UBE3D: variants seen among roughly 807,000 people sequenced by gnomAD.
UBE3D encodes ubiquitin protein ligase E3D.
Under a neutral mutation model 49.6 loss-of-function variants are expected in UBE3D, and 48 were observed. That is an observed-to-expected ratio of 0.97 (90% CI 0.77 to 1.23). The LOEUF is 1.23. Among genes scored for constraint, UBE3D ranks in the 50% most tolerant of loss-of-function variants. The pLI, the probability that UBE3D is intolerant of heterozygous loss-of-function variation, is 0.00. For missense variants in UBE3D, 452 were observed against 468.4 expected, an observed-to-expected ratio of 0.96 and a Z score of 0.32; for synonymous variants, 189 against 174.2, an observed-to-expected ratio of 1.08 and a Z score of -0.67.
chr6:83,048,046 C>T (rs1346245105), intron 3 of UBE3D, among the ~76,000 whole-genome samples: 2 of 125,222 alleles, frequency 1.6e-5, no homozygotes, highest in Non-Finnish European at 3.1e-5. Context: ...CGCGCCACTG[C>T]ACTCCAGCCT....
intron 4 of UBE3D, among the ~76,000 whole-genome samples, chr6:83,041,664 T>C (rs1782679519): frequency 3.9e-5 from 6 of 152,180 alleles, no homozygotes; most frequent in Admixed American, 3.9e-4. Flanking sequence ...CTTACAGAGT[T>C]TGACAACACA....
chr6:82,947,588 A>T (rs1490720395), intron 9 of UBE3D, among the ~76,000 whole-genome samples: 3 of 151,982 alleles, frequency 2.0e-5, no homozygotes, highest in Non-Finnish European at 4.4e-5. Flanking sequence ...CACACAGATC[A>T]TTCTCAATGA....
chr6:82,903,513 G>T (rs1771884191), intron 9 of UBE3D, among the ~76,000 whole-genome samples: 1 of 152,106 alleles, frequency 6.6e-6, no homozygotes, highest in African/African-American at 2.4e-5. Context: ...CGTCACAGTA[G>T]CATAGTTGAA....
At chr6:82,890,737 C>T (rs1770964400), downstream of UBE3D, among the ~76,000 whole-genome samples, 2 of 152,148 alleles carry the variant, frequency 1.3e-5, no homozygotes, top group Non-Finnish European at 2.9e-5. Flanking sequence ...CTACATTTGA[C>T]TCAACTCGAT....
intron 8 of UBE3D, chr6:83,017,549 T>C (rs561048955): frequency 2.0e-4 from 31 of 152,170 alleles, no homozygotes; most frequent in Admixed American, 5.9e-4. Flanking sequence ...CAATAAAATA[T>C]AAGGATAGTG....
intron 8 of UBE3D, among the ~76,000 whole-genome samples, chr6:82,988,927 C>T (rs1051041577): frequency 6.6e-6 from 1 of 151,724 alleles, no homozygotes; most frequent in African/African-American, 2.4e-5. Flanking sequence ...AGTGAGTATC[C>T]CTTTTATCTG....
intron 8 of UBE3D, among the ~76,000 whole-genome samples, chr6:83,011,721 G>A (rs141915406): frequency 1.3e-5 from 2 of 152,200 alleles, no homozygotes; most frequent in African/African-American, 4.8e-5. Flanking sequence ...TAATGGAATC[G>A]TTGTTTTGTC....
chr6:83,002,552 G>T (rs1176414115), intron 8 of UBE3D, among the ~76,000 whole-genome samples: 1 of 152,224 alleles, frequency 6.6e-6, no homozygotes, highest in Non-Finnish European at 1.5e-5. Context: ...GGGCGTGGTA[G>T]CGGGCACCTG....
intron 5 of UBE3D, chr6:83,038,180 T>A: frequency 2.7e-6 from 1 of 376,094 alleles, no homozygotes; most frequent in Non-Finnish European, 4.7e-6. Context: ...GCTATGAAAC[T>A]CTGAAAATGA....
At chr6:82,884,253 T>C in the UBE3D span, among the ~76,000 whole-genome samples, 37 of 152,188 alleles carry the variant, frequency 2.4e-4, no homozygotes, top group Non-Finnish European at 4.1e-4. Flanking sequence ...CTTTGGCTTA[T>C]TGAAGTTTCC....
rs1410013579 is a variant in UBE3D, at chr6:82,986,844, T to C, written c.1011-29394A>G. ...CTGGTTTGAATTACAAAGTTTTTCATAGGTGTTATTTTTATTTTATATATA... is the reference window on the plus strand; with the variant it reads ...CTGGTTTGAATTACAAAGTTTTTCACAGGTGTTATTTTTATTTTATATATA... On this transcript the variant is annotated intron_variant, in intron 8 of 9. Transcript: ENST00000369747. Among the ~76,000 whole-genome samples, 5 of 148,646 alleles carry C rather than the reference T, an allele frequency of 3.4e-5. No homozygotes were observed. The East Asian group carries it at 9.7e-4, about 29-fold the overall frequency.
chr6:82,936,478 C>T (rs9449563), intron 9 of UBE3D, among the ~76,000 whole-genome samples: 1 of 151,516 alleles, frequency 6.6e-6, no homozygotes, highest in East Asian at 1.9e-4. Context: ...AATATAGGGA[C>T]TATGGACACA....
chr6:82,969,191 A>G (rs1309357336), intron 8 of UBE3D, among the ~76,000 whole-genome samples: 1 of 138,370 alleles, frequency 7.2e-6, no homozygotes, highest in Admixed American at 7.3e-5. Flanking sequence ...TATTTATGTA[A>G]AAAGCAAGAA....
chr6:82,883,442 A>C, the UBE3D span, among the ~76,000 whole-genome samples: 1 of 152,206 alleles, frequency 6.6e-6, no homozygotes, highest in African/African-American at 2.4e-5. Context: ...CCTTCTCTGC[A>C]TTAGGCATCG....
chr6:82,913,561 C>T (rs1772686518), intron 9 of UBE3D, among the ~76,000 whole-genome samples: 1 of 152,180 alleles, frequency 6.6e-6, no homozygotes, highest in Non-Finnish European at 1.5e-5. Flanking sequence ...TGGGCCTTAC[C>T]TGTCACCATT....
chr6:83,063,068 GAT>G (rs1168168644), intron 1 of UBE3D: 1 of 185,470 alleles, frequency 5.4e-6, no homozygotes, highest in African/African-American at 2.4e-5. Context: ...ATAAAAAAAC[GAT>G]AGAGTGGACT....
At chr6:83,038,340 A>G (rs960433143) in intron 5 of UBE3D, 76 bp downstream of exon 5, 14 of 1,179,220 alleles carry the variant, frequency 1.2e-5, no homozygotes, top group Non-Finnish European at 1.7e-5. Flanking sequence ...TCTTTCCTAT[A>G]TATTTACTAT....
At position 82,957,454 on chromosome 6, in the gene UBE3D, G is replaced by A. The variant is rs1776244340; in HGVS notation, c.1011-4C>T. 2 of 1,611,308 alleles carry A rather than the reference G, an allele frequency of 1.2e-6. No homozygotes were observed. Among genetic ancestry groups the A allele is most frequent in the African/African-American group, 1.3e-5 (1 of 74,766 alleles). On this transcript the variant is annotated splice_region_variant and splice_polypyrimidine_tract_variant and intron_variant, in intron 8 of 9. Transcript: ENST00000369747. ...ACTTTCCCACAAGCTGACAAGTCTG[G>A]AACACACCAACACATTAACTTTCAA... is the stretch of plus-strand genomic sequence containing the variant.
chr6:82,954,400 T>C (rs1474501567), intron 9 of UBE3D, among the ~76,000 whole-genome samples: 1 of 152,204 alleles, frequency 6.6e-6, no homozygotes, highest in African/African-American at 2.4e-5. Flanking sequence ...AGAGAAATGT[T>C]ACAATGTAAT....
Sources: allele counts gnomAD v4.1 joint callset (sites outside exome capture counted in the v4.1 genomes callset), GRCh38; gene constraint gnomAD v4.1.1; transcripts MANE v1.5; gene names NCBI Gene and HGNC (gene_info 2026-07-23, HGNC 2026-07-21).